CCDC3: variants seen among roughly 807,000 people sequenced by gnomAD.
The protein encoded by CCDC3 is coiled-coil domain containing 3, also known as coiled-coil domain-containing protein 3.
CCDC3 carries 24 observed loss-of-function variants against 21.4 expected under a neutral mutation model. The observed-to-expected ratio is 1.12, with a 90% CI of 0.81 to 1.58. The LOEUF is 1.58. Ranked by LOEUF, CCDC3 falls within the 40% of genes most tolerant of loss-of-function variation. The pLI is 0.00. For missense variants in CCDC3, 425 were observed against 360.9 expected, an observed-to-expected ratio of 1.18 and a Z score of -1.44; for synonymous variants, 186 against 166.0, an observed-to-expected ratio of 1.12 and a Z score of -0.93.
intron 4 of CCDC3, among the ~76,000 whole-genome samples, chr10:13,070,257 T>G (rs1836866276): frequency 6.6e-6 from 1 of 152,258 alleles, no homozygotes. Context: ...TCTCTCTGCC[T>G]GGCTTCTCCA....
chr10:12,962,004 A>C (rs1186740257), intron 2 of CCDC3, among the ~76,000 whole-genome samples: 1 of 152,196 alleles, frequency 6.6e-6, no homozygotes, highest in Admixed American at 6.5e-5. Context: ...ATCACATTTT[A>C]TGAGATTGAT....
At chr10:13,078,736 C>T (rs1023860677) in intron 3 of CCDC3, among the ~76,000 whole-genome samples, 2 of 152,074 alleles carry the variant, frequency 1.3e-5, no homozygotes. Context: ...TGGAAACCAC[C>T]ATTCTGAGCA....
At chr10:13,080,092 G>C (rs548690015) in intron 3 of CCDC3, among the ~76,000 whole-genome samples, 134 of 152,196 alleles carry the variant, frequency 8.8e-4, no homozygotes, top group Non-Finnish European at 8.4e-4. Flanking sequence ...GGCATCTGCC[G>C]AGCCTCTGGG....
intron 2 of CCDC3, among the ~76,000 whole-genome samples, chr10:12,977,020 T>C (rs1335657312): frequency 6.6e-6 from 1 of 152,182 alleles, no homozygotes; most frequent in African/African-American, 2.4e-5. Flanking sequence ...ACGCCTGTAA[T>C]CCCAGCACTT....
intron 5 of CCDC3, among the ~76,000 whole-genome samples, chr10:13,037,496 C>G (rs1564328699): frequency 2.0e-5 from 3 of 152,114 alleles, no homozygotes; most frequent in African/African-American, 7.2e-5. Flanking sequence ...CTCTAAGTCT[C>G]TTTTATATTT....
chr10:13,058,056 T>C (rs1372555584), intron 4 of CCDC3: 2 of 750,594 alleles, frequency 2.7e-6, no homozygotes, highest in Non-Finnish European at 4.9e-6. Context: ...AAGTAGCACA[T>C]GTAATCTGCA....
intron 2 of CCDC3, among the ~76,000 whole-genome samples, chr10:12,920,499 C>T (rs1834434017): frequency 6.6e-6 from 1 of 152,148 alleles, no homozygotes; most frequent in South Asian, 2.1e-4. Flanking sequence ...AGAAAGTTTC[C>T]TCGACTGAGG....
intron 2 of CCDC3, among the ~76,000 whole-genome samples, chr10:12,977,374 G>A (rs1052829545): frequency 6.6e-6 from 1 of 152,200 alleles, no homozygotes; most frequent in East Asian, 1.9e-4. Context: ...AGAGTAAGCA[G>A]TGCCCTCTAA....
At position 13,090,095 on chromosome 10, in the gene CCDC3, T is replaced by C. The variant is rs536133024; in HGVS notation, c.-503+8430A>G. Among the ~76,000 whole-genome samples, 114 of 145,766 alleles carry C rather than the reference T, an allele frequency of 7.8e-4. 2 individuals carry two copies. In the East Asian group the frequency reaches 0.018, roughly 23 times the overall value. ...TATATATATCACCGTTTCTTTCTTT[T>C]TTTTTTTTTTTTGTGTCAGAGTCTC... On this transcript the variant is annotated intron_variant, in intron 3 of 6. Transcript: ENST00000378839.
intron 2 of CCDC3, among the ~76,000 whole-genome samples, chr10:12,995,512 GAAT>G (rs1267051614): frequency 7.9e-5 from 12 of 152,220 alleles, no homozygotes; most frequent in Non-Finnish European, 1.8e-4. Flanking sequence ...AATGTGCTGG[GAAT>G]ACAGGCGTGA....
Position 12,982,121 on chromosome 10 carries a change from C to CAAA in CCDC3, c.549+16214_549+16216dup, listed in dbSNP as rs71386135. ...TGGGAGACAGAGAGAGACTCTGTCT[C>CAAA]AAAAAAAAAAAAAAAAAAAAAAAAA... On this transcript the variant is annotated intron_variant, in intron 2 of 2. Transcript: ENST00000378825. Among the ~76,000 whole-genome samples, 143 of 33,262 alleles carry CAAA rather than the reference C, an allele frequency of 4.3e-3. 22 individuals are homozygous for CAAA. Among genetic ancestry groups the CAAA allele is most frequent in the African/African-American group, 0.018 (130 of 7,428 alleles). 21.8% of individuals were successfully genotyped at this position (33,262 alleles called of 152,430 possible).
At chr10:12,934,122 A>G (rs1834697096) in intron 2 of CCDC3, among the ~76,000 whole-genome samples, 1 of 152,128 alleles carries the variant, frequency 6.6e-6, no homozygotes, top group Non-Finnish European at 1.5e-5. Context: ...CATCCCACAA[A>G]TTGGTAAGTT....
At chr10:13,049,420 C>G (rs1836574310) in intron 5 of CCDC3, among the ~76,000 whole-genome samples, 1 of 152,130 alleles carries the variant, frequency 6.6e-6, no homozygotes, top group Non-Finnish European at 1.5e-5. Context: ...ATTCCTGGCT[C>G]TGCTTCAGCC....
intron 2 of CCDC3, among the ~76,000 whole-genome samples, chr10:12,989,319 C>T (rs574540962): frequency 6.6e-6 from 1 of 152,248 alleles, no homozygotes; most frequent in Non-Finnish European, 1.5e-5. Context: ...CTCCCTTCTA[C>T]CATGGTCCAC....
At chr10:12,986,650 T>C (rs1835597470) in intron 2 of CCDC3, among the ~76,000 whole-genome samples, 1 of 151,908 alleles carries the variant, frequency 6.6e-6, no homozygotes, top group Non-Finnish European at 1.5e-5. Context: ...GGCGGACGCC[T>C]GTAGTCCCAG....
intron 4 of CCDC3, among the ~76,000 whole-genome samples, chr10:13,054,545 A>T (rs1416772204): frequency 1.3e-5 from 2 of 152,038 alleles, no homozygotes; most frequent in Non-Finnish European, 2.9e-5. Context: ...GGCCTAACAG[A>T]CTCAGTCATA....
At chr10:13,019,979 A>G (rs1185896218) in intron 5 of CCDC3, among the ~76,000 whole-genome samples, 1 of 152,226 alleles carries the variant, frequency 6.6e-6, no homozygotes, top group Non-Finnish European at 1.5e-5. Context: ...CTGTGCAACA[A>G]GAGTGAAACT....
chr10:13,058,593 C>T (rs979424654), intron 4 of CCDC3: 12 of 650,540 alleles, frequency 1.8e-5, no homozygotes, highest in African/African-American at 7.2e-5. Flanking sequence ...CATAGTAATC[C>T]GTTTTACCCT....
intron 2 of CCDC3, among the ~76,000 whole-genome samples, chr10:12,968,539 C>A (rs1273343305): frequency 1.3e-5 from 2 of 152,160 alleles, no homozygotes; most frequent in Non-Finnish European, 2.9e-5. Flanking sequence ...GAAAATACAT[C>A]AAAGTATAAA....
Sources: allele counts gnomAD v4.1 joint callset (sites outside exome capture counted in the v4.1 genomes callset), GRCh38; gene constraint gnomAD v4.1.1; transcripts MANE v1.5; gene names NCBI Gene and HGNC (gene_info 2026-07-23, HGNC 2026-07-21).